The following MYO10 variants were observed in gnomAD, a reference collection of about 807,000 sequenced individuals.
The protein encoded by MYO10 is unconventional myosin-X.
Under a neutral mutation model 257.3 loss-of-function variants are expected in MYO10, and 133 were observed. The ratio of observed to expected loss-of-function variants is 0.52; its 90% CI spans 0.45 to 0.60. MYO10 has a LOEUF of 0.60. MYO10 is among the 20% of genes least tolerant of loss of function. The pLI is 0.00. For synonymous variants in MYO10, 1,104 were observed against 1,028.6 expected, an observed-to-expected ratio of 1.07 and a Z score of -1.40; for missense variants, 2,399 against 2,635.7, an observed-to-expected ratio of 0.91 and a Z score of 1.97.
rs191459695 is a variant in MYO10 at position 16,846,958 on chromosome 5, A to C, written c.121-28791T>G. Among the ~76,000 whole-genome samples, 196 of 151,988 alleles carry C rather than the reference A, an allele frequency of 1.3e-3. 3 individuals are homozygous for C. Among genetic ancestry groups the C allele is most frequent in the African/African-American group, 4.5e-3 (187 of 41,432 alleles). ...CATGGTGAAACCCCATCTTTACTAA[A>C]AATACAAAAATTAGCTGGGTGTGGT... On this transcript the variant is annotated intron_variant, in intron 2 of 40. Transcript: ENST00000513610.
Position 16,769,288 on chromosome 5 carries a change from TA to T in MYO10, c.931-86del, listed in dbSNP as rs1452100452. On this transcript the variant is annotated intron_variant, in intron 9 of 40. Coordinates refer to ENST00000513610, the MANE Select transcript of MYO10 (RefSeq NM_012334.3). ...AATATCCCTGATAATATAAAATTAC[TA>T]GGTGTTATTGAAAAGGCAAAGAAAC... The T allele has an allele frequency of 8.8e-6, 12 of 1,369,752 alleles. No individual in the cohort carries two copies. In the African/African-American group the frequency reaches 1.8e-4, roughly 20 times the overall value. 84.8% of individuals were successfully genotyped at this position (1,369,752 alleles called of 1,614,324 possible).
chr5:16,702,759 G>T (rs1026340474), intron 23 of MYO10, among the ~76,000 whole-genome samples, 166 bp downstream of exon 23: 1 of 152,144 alleles, frequency 6.6e-6, no homozygotes, highest in Non-Finnish European at 1.5e-5. Flanking sequence ...CACAGAACTG[G>T]GTCTTTAATG....
At position 16,780,573 on chromosome 5, in the gene MYO10, A is replaced by G; in HGVS notation, c.777T>C (p.Asn259=). ...CCAGCAGTGCATAAAATATGTGATA[A>G]TTCCTTTCCCCGGGATTTTGCCTTA... ...RVVRQNPGER[N]YHIFYALLAG... is the part of the protein sequence containing the mutation. The change falls in exon 8 of 41, where the codon AAT becomes AAC. Residue 259 remains asparagine, a synonymous_variant. Transcript: ENST00000513610. The G allele has an allele frequency of 1.9e-6, 3 of 1,583,388 alleles. No homozygotes were observed. Among genetic ancestry groups the G allele is most frequent in the Non-Finnish European group, 1.7e-6 (2 of 1,162,996 alleles).
chr5:16,804,110 T>C (rs1466779526), intron 3 of MYO10, among the ~76,000 whole-genome samples: 2 of 152,202 alleles, frequency 1.3e-5, no homozygotes, highest in Non-Finnish European at 2.9e-5. Context: ...CTACAGCGAA[T>C]GCCTTCTCCA....
intron 10 of MYO10, among the ~76,000 whole-genome samples, chr5:16,767,205 TTGTCTCCCAGGC>T (rs1359912021): frequency 7.0e-6 from 1 of 142,624 alleles, no homozygotes; most frequent in African/African-American, 2.6e-5. Flanking sequence ...GAGTCTTGCT[TTGTCTCCCAGGC>T]TGGAGTGCAG....
intron 2 of MYO10, among the ~76,000 whole-genome samples, chr5:16,849,721 T>TA (rs1303051297): frequency 6.6e-6 from 1 of 152,226 alleles, no homozygotes; most frequent in Non-Finnish European, 1.5e-5. Flanking sequence ...TTTCAGGAGA[T>TA]ACTTGTTCGC....
At chr5:16,813,866 T>G (rs888917918) in intron 3 of MYO10, among the ~76,000 whole-genome samples, 1 of 152,030 alleles carries the variant, frequency 6.6e-6, no homozygotes, top group Non-Finnish European at 1.5e-5. Flanking sequence ...AAACAATACA[T>G]GGTTACTGGC....
At chr5:16,707,820 C>A (rs1235557778) in intron 21 of MYO10, among the ~76,000 whole-genome samples, 1 of 152,198 alleles carries the variant, frequency 6.6e-6, no homozygotes, top group Non-Finnish European at 1.5e-5. Context: ...CTTCTCCAGT[C>A]CTCTAGGTAA....
intron 2 of MYO10, among the ~76,000 whole-genome samples, chr5:16,875,901 A>G (rs765259928): frequency 3.9e-5 from 6 of 152,206 alleles, no homozygotes; most frequent in Admixed American, 1.3e-4. Context: ...CGAGGTCAGG[A>G]GTTCAAGACC....
chr5:16,669,215 CTTTTTTCT>C (rs1736323098), intron 39 of MYO10, among the ~76,000 whole-genome samples: 1 of 40,352 alleles, frequency 2.5e-5, no homozygotes, highest in East Asian at 9.3e-4. Flanking sequence ...CAGTAGCTTT[CTTTTTTCT>C]TTTTTTTTTT....
chr5:16,682,630 ACTCCT>A (rs1252019062), intron 30 of MYO10, among the ~76,000 whole-genome samples: 1 of 151,942 alleles, frequency 6.6e-6, no homozygotes, highest in East Asian at 1.9e-4. Context: ...ATAAATACTA[ACTCCT>A]CTATCTAACG....
At chr5:16,724,609 C>T (rs761769912) in intron 19 of MYO10, among the ~76,000 whole-genome samples, 1 of 151,890 alleles carries the variant, frequency 6.6e-6, no homozygotes, top group Non-Finnish European at 1.5e-5. Context: ...GAATGTGTTT[C>T]TATGGGGGTT....
intron 21 of MYO10, among the ~76,000 whole-genome samples, chr5:16,706,830 C>G (rs566904932): frequency 5.0e-4 from 76 of 152,290 alleles, no homozygotes; most frequent in African/African-American, 1.8e-3. Flanking sequence ...CCTTCACCAA[C>G]CTAAAGGGCA....
chr5:16,696,099 G>A (rs1293542065), intron 26 of MYO10, among the ~76,000 whole-genome samples: 1 of 152,174 alleles, frequency 6.6e-6, no homozygotes, highest in Non-Finnish European at 1.5e-5. Flanking sequence ...ATTCACAGTT[G>A]TTTCAAAGAT....
chr5:16,891,318 GAAAAGGAA>G (rs1561042377), intron 1 of MYO10, among the ~76,000 whole-genome samples: 1 of 58,422 alleles, frequency 1.7e-5, no homozygotes, highest in African/African-American at 4.3e-5. Context: ...AAGGAGAAGA[GAAAAGGAA>G]GGAAGGAAGG....
chr5:16,886,749 T>G (rs1016407116), intron 1 of MYO10, among the ~76,000 whole-genome samples: 1 of 151,830 alleles, frequency 6.6e-6, no homozygotes, highest in African/African-American at 2.4e-5. Context: ...CTGGTCAACA[T>G]GGTGAAACCC....
At chr5:16,858,778 T>C (rs1459801000) in intron 2 of MYO10, among the ~76,000 whole-genome samples, 3 of 152,006 alleles carry the variant, frequency 2.0e-5, no homozygotes, top group African/African-American at 7.2e-5. Flanking sequence ...GCCAACACGG[T>C]GAAACCCCAT....
At chr5:16,869,509 C>A (rs1412724658) in intron 2 of MYO10, among the ~76,000 whole-genome samples, 1 of 152,046 alleles carries the variant, frequency 6.6e-6, no homozygotes, top group Non-Finnish European at 1.5e-5. Context: ...CCAGGAGTTA[C>A]AATGAGCTAC....
At chr5:16,845,217 T>C (rs1743599874) in intron 2 of MYO10, among the ~76,000 whole-genome samples, 1 of 152,098 alleles carries the variant, frequency 6.6e-6, no homozygotes. Flanking sequence ...CTGAATTATC[T>C]GTAGCAGAAA....
Sources: gnomAD v4.1 joint callset for allele counts (sites outside exome capture counted in the v4.1 genomes callset) on GRCh38, gnomAD v4.1.1 for gene constraint, MANE v1.5 for transcripts, NCBI Gene and HGNC (gene_info 2026-07-23, HGNC 2026-07-21) for gene names.